Variants in MAPK10 observed in about 807,000 individuals in gnomAD.
MAPK10 encodes the protein JNK3 alpha protein kinase.
A neutral mutation model predicts 59.3 loss-of-function variants in MAPK10; 25 were observed. The ratio of observed to expected loss-of-function variants is 0.42; its 90% CI spans 0.31 to 0.59. The LOEUF (loss-of-function observed/expected upper bound fraction) is 0.59. Among genes scored for constraint, MAPK10 ranks in the 20% least tolerant of loss-of-function variants. The pLI, the probability that MAPK10 is intolerant of heterozygous loss-of-function variation, is 0.15. For synonymous variants in MAPK10, 190 were observed against 200.5 expected (o/e 0.95, Z 0.44); for missense variants, 351 against 568.9 (o/e 0.62, Z 3.90).
At chr4:86,409,394 G>C (rs890283267) in intron 1 of MAPK10, among the ~76,000 whole-genome samples, 1 of 151,944 alleles carries the variant, frequency 6.6e-6, no homozygotes, top group African/African-American at 2.4e-5. Context: ...CTCTTTTTTT[G>C]GTTCCATATG....
In MAPK10 at chr4:86,401,404, C is replaced by T. The variant is rs553704123; in HGVS notation, c.-121-46760G>A. ...GCTGATTTGCACTTTAGATTCTTCG[C>T]TTCCATTGAAAAGCAATGTAGGAAA... On this transcript the variant is annotated intron_variant, in intron 1 of 13. Transcript: ENST00000361569. Among the ~76,000 whole-genome samples the T allele has an allele frequency of 3.9e-5, 6 of 152,264 alleles. No homozygotes were observed. The South Asian group carries it at 1.2e-3, about 32-fold the overall frequency.
chr4:86,383,161 GTTCTT>G (rs1002619629), intron 1 of MAPK10, among the ~76,000 whole-genome samples: 15 of 152,164 alleles, frequency 9.9e-5, no homozygotes, highest in Non-Finnish European at 2.1e-4. Flanking sequence ...ATGAAGTCTT[GTTCTT>G]TTATTTCCCT....
rs55663953 is a variant in MAPK10, at chr4:86,067,798, C to T, written c.960G>A (p.Ala320=). 6,475 of 1,612,814 alleles carry T rather than the reference C, an allele frequency of 4.0e-3. 255 individuals are homozygous for T. The East Asian group carries it at 0.1, about 25-fold the overall frequency. Residue 320 remains alanine (A), a synonymous_variant, in exon 10 of 14, where the codon GCG becomes GCA. Transcript: ENST00000641462. The part of the protein sequence containing the change: ...PKLFPDSLFP[A]DSEHNKLKAS... ...CTTTGAGTTTATTGTGCTCGGAGTC[C>T]GCTGGGAAGAGGGAATCTGGGAAGA...
At chr4:86,139,634 A>G (rs2063140384) in intron 4 of MAPK10, among the ~76,000 whole-genome samples, 1 of 152,238 alleles carries the variant, frequency 6.6e-6, no homozygotes, top group African/African-American at 2.4e-5. Flanking sequence ...CAAGGATTTC[A>G]TGTCTAAAAC....
chr4:86,086,786 G>T (rs888841234), intron 9 of MAPK10, among the ~76,000 whole-genome samples: 14 of 152,056 alleles, frequency 9.2e-5, no homozygotes, highest in African/African-American at 3.1e-4. Flanking sequence ...TCTAATAACA[G>T]AATTTTTTAA....
intron 11 of MAPK10, among the ~76,000 whole-genome samples, 153 bp downstream of exon 11, chr4:86,064,113 G>C (rs544979572): frequency 6.6e-6 from 1 of 152,288 alleles, no homozygotes; most frequent in South Asian, 2.1e-4. Context: ...ATATGTTGAA[G>C]AAAATAGCTT....
At position 86,203,698 on chromosome 4, in the gene MAPK10, A is replaced by C. The variant is rs144762202; in HGVS notation, c.-6-9291T>G. On this transcript the variant is annotated intron_variant, in intron 2 of 13. Transcript: ENST00000641462. ...AGAACACAAAGTCATTGTTAATTAA[A>C]AATGACTTTGTGTTCTTGTATCATA... Among the ~76,000 whole-genome samples, 1,032 of 150,340 alleles carry C rather than the reference A, an allele frequency of 6.9e-3. 9 individuals carry two copies. The highest frequency in any genetic ancestry group is 0.023 in the African/African-American group (943 of 41,120).
At chr4:86,242,368 T>C (rs1020231870) in intron 2 of MAPK10, among the ~76,000 whole-genome samples, 1 of 152,130 alleles carries the variant, frequency 6.6e-6, no homozygotes, top group African/African-American at 2.4e-5. Flanking sequence ...AATGAAGCTC[T>C]TTGTCCCTTG....
At chr4:86,397,114 T>A (rs1013478897) in intron 1 of MAPK10, among the ~76,000 whole-genome samples, 1 of 152,012 alleles carries the variant, frequency 6.6e-6, no homozygotes, top group Admixed American at 6.6e-5. Context: ...GATGAACACA[T>A]AATAGAAAGA....
intron 1 of MAPK10, among the ~76,000 whole-genome samples, chr4:86,535,892 AG>A (rs1239145836): frequency 2.0e-5 from 3 of 152,246 alleles, no homozygotes; most frequent in Admixed American, 6.5e-5. Flanking sequence ...CAAATATGAT[AG>A]ATAAACCCAG....
At chr4:86,436,306 TG>T (rs1748708069) in intron 1 of MAPK10, among the ~76,000 whole-genome samples, 1 of 152,222 alleles carries the variant, frequency 6.6e-6, no homozygotes. Context: ...AGTCATTTTA[TG>T]TTTTTATTGA....
intron 1 of MAPK10, among the ~76,000 whole-genome samples, chr4:86,467,990 A>G (rs1752355038): frequency 6.6e-6 from 1 of 152,168 alleles, no homozygotes; most frequent in African/African-American, 2.4e-5. Flanking sequence ...TTTGCCTCAT[A>G]AATGATTAGC....
chr4:86,340,998 A>T (rs1404575610), intron 2 of MAPK10, among the ~76,000 whole-genome samples: 4 of 152,202 alleles, frequency 2.6e-5, no homozygotes, highest in Non-Finnish European at 5.9e-5. Flanking sequence ...ACATGAAGCA[A>T]GACCATTGAT....
chr4:86,386,891 A>G (rs1003007475), intron 1 of MAPK10, among the ~76,000 whole-genome samples: 1 of 152,166 alleles, frequency 6.6e-6, no homozygotes, highest in African/African-American at 2.4e-5. Context: ...GGGCTAGGAT[A>G]TCTTTGGAAA....
chr4:86,426,654 A>G (rs1747318186), intron 1 of MAPK10, among the ~76,000 whole-genome samples: 1 of 152,216 alleles, frequency 6.6e-6, no homozygotes, highest in Admixed American at 6.5e-5. Context: ...GTTGCATGCT[A>G]AATATCTTTA....
intron 11 of MAPK10, among the ~76,000 whole-genome samples, chr4:86,040,169 G>C (rs2041220594): frequency 6.6e-6 from 1 of 152,130 alleles, no homozygotes; most frequent in Non-Finnish European, 1.5e-5. Flanking sequence ...GCTGAGTCAA[G>C]AGAAGTGGAA....
chr4:86,519,900 C>G (rs996539948), intron 1 of MAPK10, among the ~76,000 whole-genome samples: 10 of 152,092 alleles, frequency 6.6e-5, no homozygotes, highest in Non-Finnish European at 1.5e-4. Context: ...ATACAAAATT[C>G]CTAGCTAATA....
intron 1 of MAPK10, among the ~76,000 whole-genome samples, chr4:86,580,385 G>C (rs1762179938): frequency 6.6e-6 from 1 of 151,952 alleles, no homozygotes; most frequent in Non-Finnish European, 1.5e-5. Context: ...TGTAGTCCCA[G>C]CTACTTGGGA....
chr4:86,351,390 TACACAA>T (rs201445110), intron 2 of MAPK10, among the ~76,000 whole-genome samples: 18,115 of 110,268 alleles, frequency 0.16, 1,092 homozygotes, highest in South Asian at 0.3. Flanking sequence ...ACAGTGTGTA[TACACAA>T]ACACACACAC....
Sources: gnomAD v4.1 joint callset for allele counts (sites outside exome capture counted in the v4.1 genomes callset) on GRCh38, gnomAD v4.1.1 for gene constraint, MANE v1.5 for transcripts, NCBI Gene and HGNC (gene_info 2026-07-23, HGNC 2026-07-21) for gene names.